The following TTN variants were observed in gnomAD, a reference collection of about 807,000 sequenced individuals.
TTN encodes titin.
In TTN, 1,525 loss-of-function variants were observed where a neutral mutation model predicts 3,223.0. The observed-to-expected ratio is 0.47, with a 90% CI of 0.45 to 0.49. TTN has a LOEUF of 0.49. Among genes scored for constraint, TTN ranks in the 20% least tolerant of loss-of-function variants. TTN has a pLI of 0.00. For synonymous variants in TTN, 14,094 were observed against 15,161.0 expected, an observed-to-expected ratio of 0.93 and a Z score of 5.17; for missense variants, 40,786 against 43,424.0, an observed-to-expected ratio of 0.94 and a Z score of 5.40.
chr2:178,711,347 G>A lies in TTN; in HGVS notation c.27889C>T (p.Gln9297Ter). 6.2e-7 allele frequency: 1 copy of A among 1,602,330 alleles called. No individual in the cohort carries two copies. The highest frequency in any genetic ancestry group is 1.1e-5 in the South Asian group (1 of 89,046). Residue 9297 changes from glutamine (Q) to a stop codon, truncating the protein, a stop_gained and splice_region_variant, in exon 97 of 363, where the codon CAA becomes TAA. Transcript: ENST00000589042. LOFTEE classifies it high-confidence loss of function. ...CGAGAAAATGATGGTGGAAGTTTTTGCTCTGTAGGAACAGAATAAAAGTAA... is the reference window on the plus strand; with the variant it reads ...CGAGAAAATGATGGTGGAAGTTTTTACTCTGTAGGAACAGAATAAAAGTAA... ...SASTFLTVQE[Q>*]KLPPSFSRQL...
rs755085826 is a variant in TTN, at chr2:178,679,617, CCTTCTT to C, written c.33640_33645del (p.Lys11214_Lys11215del). On this transcript the variant is annotated inframe_deletion, in exon 141 of 363. Coordinates refer to ENST00000589042, the MANE Select transcript of TTN (RefSeq NM_001267550.2). ...GGTGTACCTTTTGCCGGTGGAGCTT[CCTTCTT>C]CTTGGGAACAGGAACAGGTTTCTTC... The C allele has an allele frequency of 6.2e-7, 1 of 1,611,560 alleles. No individual in the cohort carries two copies. Among genetic ancestry groups the C allele is most frequent in the East Asian group, 2.2e-5 (1 of 44,852 alleles).
chr2:178,574,742 T>TA lies in TTN; in HGVS notation c.71389dup (p.Tyr23797LeufsTer10). ...ATTCTGAGCTTTTACACGGAACTGA[T>TA]ACTCTAATCCAGTAGTAAGGCGGGT... On this transcript the variant is annotated frameshift_variant, in exon 326 of 363. Coordinates refer to ENST00000589042, the MANE Select transcript of TTN (RefSeq NM_001267550.2). LOFTEE classifies it high-confidence loss of function. The TA allele has an allele frequency of 1.2e-6, 2 of 1,613,082 alleles. No homozygotes were observed. Among genetic ancestry groups the TA allele is most frequent in the Non-Finnish European group, 1.7e-6 (2 of 1,179,412 alleles).
rs2070153283 is a variant in TTN, at chr2:178,684,026, T to G, written c.32779A>C (p.Lys10927Gln). 6.2e-7 allele frequency: 1 copy of G among 1,611,660 alleles called. No homozygotes were observed. Among genetic ancestry groups the G allele is most frequent in the South Asian group, 1.1e-5 (1 of 90,558 alleles). ...TTAGCTGGTGGTTCCTCCTCTCTTT[T>G]AGGTTTGAGTTTCAGAACTTTTTCT... Reference protein sequence around the residue: ...PEEKVLKLKPKREEEPPAKVT... With the variant: ...PEEKVLKLKPQREEEPPAKVT... Residue 10927 changes from lysine (K) to glutamine (Q), a missense_variant, in exon 133 of 363, where the codon AAA (lysine) becomes CAA (glutamine). Coordinates refer to ENST00000589042, the MANE Select transcript of TTN (RefSeq NM_001267550.2).
Position 178,640,646 on chromosome 2 carries a change from AT to A in TTN, c.40634-17del, listed in dbSNP as rs760969357. The A allele has an allele frequency of 3.2e-6, 5 of 1,550,590 alleles. No individual in the cohort carries two copies. The African/African-American group carries it at 7.2e-5, about 22-fold the overall frequency. Reference sequence around the variant, plus strand: ...GGTTCTGGTACTTTAAGATAAGATTATTTTTTCAGTGTTAATATTTGAATAT... The same window carrying A: ...GGTTCTGGTACTTTAAGATAAGATTATTTTTCAGTGTTAATATTTGAATAT... On this transcript the variant is annotated splice_polypyrimidine_tract_variant and intron_variant, in intron 220 of 362. Transcript: ENST00000589042.
chr2:178,607,113 C>T lies in TTN; in HGVS notation c.53489G>A (p.Gly17830Glu), dbSNP rs774099078. The T allele has an allele frequency of 6.2e-7, 1 of 1,612,770 alleles. No individual in the cohort carries two copies. The highest frequency in any genetic ancestry group is 8.5e-7 in the Non-Finnish European group (1 of 1,179,230). ...AATAACACGGAACTTATATTCTTGT[C>T]CCTCAAGCAGACCTGTGATGTCACA... ...SKCDITGLLE[G>E]QEYKFRVIAK... Residue 17830 changes from glycine to glutamate, a missense_variant, in exon 278 of 363, where the codon GGA becomes GAA. Transcript: ENST00000589042.
In TTN at chr2:178,584,578, C is replaced by T. The variant is rs748522179; in HGVS notation, c.64973G>A (p.Gly21658Asp). Reference protein sequence around the residue: ...SPKMVAQFPFGVPSEPKNARV... With the variant: ...SPKMVAQFPFDVPSEPKNARV... Reference sequence around the variant, plus strand: ...TGCATTCTTTGGTTCACTAGGAACACCTGGAGATGAAGACAAGGAAGATGT... The same window carrying T: ...TGCATTCTTTGGTTCACTAGGAACATCTGGAGATGAAGACAAGGAAGATGT... The change falls in exon 311 of 363, where the codon GGT becomes GAT. Residue 21658 changes from glycine to aspartate, a missense_variant and splice_region_variant. Gly to Asp is a moderately conservative substitution (Grantham distance 94). Transcript: ENST00000589042. 2 of 1,611,298 alleles carry T rather than the reference C, an allele frequency of 1.2e-6. No individual in the cohort carries two copies. The highest frequency in any genetic ancestry group is 8.5e-7 in the Non-Finnish European group (1 of 1,178,468).
chr2:178,699,821 G>A (rs2074615801), intron 111 of TTN, among the ~76,000 whole-genome samples: 1 of 148,262 alleles, frequency 6.7e-6, no homozygotes, highest in African/African-American at 2.5e-5. Context: ...CCGCCTCCCG[G>A]GTTCACGCCA....
chr2:178,676,120 T>C (rs2154267577), intron 147 of TTN, 125 bp from the exon 148 acceptor site: 1 of 788,814 alleles, frequency 1.3e-6, no homozygotes, highest in Non-Finnish European at 2.0e-6. Flanking sequence ...GTCATGTTAG[T>C]TGGGAGCCCA....
intron 138 of TTN, 83 bp from the exon 139 acceptor site, chr2:178,680,414 T>A: frequency 9.2e-7 from 1 of 1,087,102 alleles, no homozygotes; most frequent in South Asian, 1.4e-5. Flanking sequence ...TTTAAGCAGA[T>A]AGAATAATGT....
Position 178,563,324 on chromosome 2 carries a change from T to A in TTN, c.82808A>T (p.Lys27603Ile). Residue 27603 changes from lysine to isoleucine, a missense_variant, in exon 326 of 363, where the codon AAA (lysine) becomes ATA (isoleucine). By Grantham distance (102) the Lys-to-Ile change is moderately radical (BLOSUM62 -3). Transcript: ENST00000589042. The surrounding 1 kb of genome is among the most constrained non-coding windows in gnomAD (Gnocchi z 4.5). ...KPIYDGGAPV[K>I]GYVVEVKEAA... ...TTCTTTGACCTCTACAACATAGCCT[T>A]TAACAGGTGCGCCACCATCATAAAT... 6.2e-7 allele frequency: 1 copy of A among 1,613,616 alleles called. No homozygotes were observed. The highest frequency in any genetic ancestry group is 8.5e-7 in the Non-Finnish European group (1 of 1,179,714).
rs1560631528 is a variant in TTN, at chr2:178,717,549, G to A, written c.25325C>T (p.Ser8442Leu). 2.5e-6 allele frequency: 4 copies of A among 1,610,038 alleles called. No individual in the cohort carries two copies. The highest frequency in any genetic ancestry group is 3.4e-6 in the Non-Finnish European group (4 of 1,177,486). Residue 8442 changes from serine to leucine, a missense_variant, in exon 87 of 363, where the codon TCA becomes TTA. Coordinates refer to ENST00000589042, the MANE Select transcript of TTN (RefSeq NM_001267550.2). Reference sequence around the variant, plus strand: ...TGAGAGAATGAGCTTGGCACTGGATGAAGCAGTCCCAAGAGGATTAGAAGC... The same window carrying A: ...TGAGAGAATGAGCTTGGCACTGGATAAAGCAGTCCCAAGAGGATTAGAAGC... Reference protein sequence around the residue: ...CSASNPLGTASSSAKLILSEH... With the variant: ...CSASNPLGTALSSAKLILSEH...
chr2:178,529,876 T>C, intron 359 of TTN, 84 bp downstream of exon 359: 1 of 1,344,398 alleles, frequency 7.4e-7, no homozygotes, highest in East Asian at 2.5e-5. Context: ...CTTTCTTGTA[T>C]GTGTATATAA....
rs1352559708 is a variant in TTN at position 178,652,945 on chromosome 2, AG to A, written c.38876-15del. 3.7e-6 allele frequency: 6 copies of A among 1,603,696 alleles called. No homozygotes were observed. The African/African-American group carries it at 8.1e-5, about 22-fold the overall frequency. ...GAGCCTCTGGCACTTAAAAGATATT[AG>A]TGAAATTACATTTAGAAGTTTGAAG... On this transcript the variant is annotated splice_polypyrimidine_tract_variant and intron_variant, in intron 199 of 362. Transcript: ENST00000589042.
At chr2:178,681,492 G>C in intron 136 of TTN, 42 bp from the exon 137 acceptor site, 1 of 1,548,428 alleles carries the variant, frequency 6.5e-7, no homozygotes, top group South Asian at 1.2e-5. Flanking sequence ...AATTGAAACA[G>C]GTTTCTCAAG....
Position 178,630,272 on chromosome 2 carries a change from A to G in TTN, c.44250T>C (p.Asn14750=). The G allele has an allele frequency of 6.2e-7, 1 of 1,613,230 alleles. No homozygotes were observed. The highest frequency in any genetic ancestry group is 1.3e-5 in the African/African-American group (1 of 74,992). Residue 14750 remains asparagine, a synonymous_variant, in exon 239 of 363, where the codon AAT becomes AAC. Coordinates refer to ENST00000589042, the MANE Select transcript of TTN (RefSeq NM_001267550.2). ...QTGGVDFQAA[N]VKSSAHLRVK... Reference sequence around the variant, plus strand: ...CTCGGAGGTGGGCACTAGATTTAACATTGGCAGCTTGGAAATCCACCCCAC... The same window carrying G: ...CTCGGAGGTGGGCACTAGATTTAACGTTGGCAGCTTGGAAATCCACCCCAC...
chr2:178,573,823 T>C lies in TTN; in HGVS notation c.72309A>G (p.Thr24103=). 6.2e-7 allele frequency: 1 copy of C among 1,612,184 alleles called. No individual in the cohort carries two copies. The highest frequency in any genetic ancestry group is 8.5e-7 in the Non-Finnish European group (1 of 1,178,720). Residue 24103 remains threonine (T), a synonymous_variant, in exon 326 of 363, where the codon ACA becomes ACG. Transcript: ENST00000589042. ...TRRDSGAYTL[T]ATNPGGFAKH... The stretch of plus-strand genomic sequence containing the variant: ...TAGCAAAGCCACCAGGATTAGTCGC[T>C]GTAAGGGTATAGGCACCACTATCCC...
intron 350 of TTN, 90 bp downstream of exon 350, chr2:178,541,192 A>G: frequency 1.6e-6 from 2 of 1,245,076 alleles, no homozygotes; most frequent in Non-Finnish European, 2.1e-6. Context: ...ACATTTTTCA[A>G]AAGTCATAGA....
chr2:178,619,503 TG>T, intron 250 of TTN, 117 bp downstream of exon 250: 1 of 1,299,290 alleles, frequency 7.7e-7, no homozygotes, highest in Non-Finnish European at 1.1e-6. Context: ...TGTTAACATG[TG>T]GGTAGGGCTT....
Position 178,532,995 on chromosome 2 carries a change from A to C in TTN, c.103620T>G (p.Tyr34540Ter). 2 of 1,613,854 alleles carry C rather than the reference A, an allele frequency of 1.2e-6. No homozygotes were observed. The highest frequency in any genetic ancestry group is 1.7e-6 in the Non-Finnish European group (2 of 1,179,854). ...TATACTTGCGTGGCTCTGGTACATC[A>C]TAAGGCATCCGGAGTTTTCTCTCCT... ...KKEERKLRMPYDVPEPRKYKQ... is the reference protein window; with the variant it reads ...KKEERKLRMP Residue 34540 changes from tyrosine (Y) to a stop codon, truncating the protein, a stop_gained, in exon 358 of 363, where the codon TAT becomes TAG. Coordinates refer to ENST00000589042, the MANE Select transcript of TTN (RefSeq NM_001267550.2). LOFTEE classifies it high-confidence loss of function.
Sources: gnomAD v4.1 joint callset for allele counts (sites outside exome capture counted in the v4.1 genomes callset) on GRCh38, gnomAD v4.1.1 for gene constraint, Gnocchi (gnomAD v3.1) non-coding constraint, MANE v1.5 for transcripts, NCBI Gene and HGNC (gene_info 2026-07-23, HGNC 2026-07-21) for gene names.